The following DCAF12 variants were observed in gnomAD, a reference collection of about 807,000 sequenced individuals.
DCAF12 encodes DDB1 and CUL4 associated factor 12, also known as DDB1- and CUL4-associated factor 12.
Under a neutral mutation model 52.8 loss-of-function variants are expected in DCAF12, and 28 were observed. The observed-to-expected ratio is 0.53, with a 90% CI of 0.39 to 0.73. DCAF12 has a LOEUF of 0.73. DCAF12 is among the 30% of genes least tolerant of loss of function. DCAF12 has a pLI of 0.00. For synonymous variants in DCAF12, 196 were observed against 215.5 expected, an observed-to-expected ratio of 0.91 and a Z score of 0.79; for missense variants, 425 against 552.2, an observed-to-expected ratio of 0.77 and a Z score of 2.31.
intron 7 of DCAF12, among the ~76,000 whole-genome samples, chr9:34,091,814 G>A (rs1828649573): frequency 6.6e-6 from 1 of 152,040 alleles, no homozygotes; most frequent in Non-Finnish European, 1.5e-5. Flanking sequence ...GGGATAAAGC[G>A]AGAAATGGGA....
At chr9:34,099,673 A>AACC (rs1828796044) in intron 4 of DCAF12, among the ~76,000 whole-genome samples, 1 of 151,396 alleles carries the variant, frequency 6.6e-6, no homozygotes, top group South Asian at 2.1e-4. Context: ...GGCTCACTGC[A>AACC]ACCACCACCT....
intron 7 of DCAF12, among the ~76,000 whole-genome samples, chr9:34,090,276 C>G (rs1040550137): frequency 6.6e-6 from 1 of 152,050 alleles, no homozygotes; most frequent in Non-Finnish European, 1.5e-5. Flanking sequence ...GTTGGCCAGG[C>G]TGGTCTTGAA....
intron 6 of DCAF12, among the ~76,000 whole-genome samples, chr9:34,094,820 G>A (rs916845700): frequency 2.0e-4 from 30 of 152,138 alleles, no homozygotes; most frequent in Admixed American, 9.8e-4. Context: ...GTGAGCCACC[G>A]CACCCGGCCC....
Position 34,096,732 on chromosome 9 carries a change from T to C in DCAF12, c.845A>G (p.Glu282Gly), listed in dbSNP as rs1828741402. The C allele has an allele frequency of 1.9e-6, 3 of 1,614,092 alleles. No individual in the cohort carries two copies. The highest frequency in any genetic ancestry group is 2.5e-6 in the Non-Finnish European group (3 of 1,179,988). Residue 282 changes from glutamate (E) to glycine (G), a missense_variant, in exon 6 of 9, where the codon GAA becomes GGA. This residue lies in a region of DCAF12 where 328 missense variants were observed against 444.4 expected (regional missense o/e 0.74). Transcript: ENST00000361264. ...TCATCACACCTTAGATAGTGTATTT[T>C]CAGCCTTCCAGAGATGAAAGTAGCC... ...LDGYFHLWKAENTLSKLLSTK... is the reference protein window; with the variant it reads ...LDGYFHLWKAGNTLSKLLSTK...
intron 6 of DCAF12, chr9:34,095,752 ATTACC>A (rs1828725988): frequency 2.0e-5 from 3 of 152,186 alleles, no homozygotes; most frequent in Admixed American, 2.0e-4. Context: ...CTATTTTCTC[ATTACC>A]TTACATGATT....
chr9:34,115,309 C>T (rs1829066793), intron 2 of DCAF12, among the ~76,000 whole-genome samples: 1 of 151,788 alleles, frequency 6.6e-6, no homozygotes, highest in Non-Finnish European at 1.5e-5. Flanking sequence ...ATATGTATAG[C>T]GGCTAGGCGC....
At chr9:34,092,399 G>C (rs997803625) in intron 7 of DCAF12, among the ~76,000 whole-genome samples, 4 of 152,218 alleles carry the variant, frequency 2.6e-5, no homozygotes, top group Non-Finnish European at 4.4e-5. Context: ...TAGAAAGTAG[G>C]GCTCTCGGCC....
intron 4 of DCAF12, among the ~76,000 whole-genome samples, chr9:34,106,080 A>T (rs1426875374): frequency 1.3e-5 from 2 of 150,064 alleles, no homozygotes; most frequent in Non-Finnish European, 3.0e-5. Flanking sequence ...ATAAATGTGT[A>T]TCACTTTTAC....
intron 2 of DCAF12, among the ~76,000 whole-genome samples, chr9:34,122,098 T>A (rs1238494597): frequency 2.0e-5 from 3 of 152,206 alleles, no homozygotes; most frequent in Admixed American, 2.0e-4. Flanking sequence ...TTAGCTTATC[T>A]GTCAGTATCA....
chr9:34,093,180 G>T, intron 7 of DCAF12, 106 bp downstream of exon 7: 1 of 1,389,958 alleles, frequency 7.2e-7, no homozygotes. Context: ...ACTTCCAAAT[G>T]TTCCATACAG....
rs751775579 is a variant in DCAF12, at chr9:34,096,793, A to G, written c.796-12T>C. On this transcript the variant is annotated splice_polypyrimidine_tract_variant and intron_variant, in intron 5 of 8. Transcript: ENST00000361264. ...ACTGCTCCCAGTTCCTACAAGAGCA[A>G]TGAAAACCAGGTTATATTATCATCT... 6.2e-7 allele frequency: 1 copy of G among 1,612,958 alleles called. No homozygotes were observed. The highest frequency in any genetic ancestry group is 1.7e-5 in the Admixed American group (1 of 59,904).
intron 2 of DCAF12, among the ~76,000 whole-genome samples, chr9:34,114,896 G>T (rs1829060969): frequency 6.6e-6 from 1 of 152,090 alleles, no homozygotes; most frequent in Non-Finnish European, 1.5e-5. Flanking sequence ...GGGCCCAGGA[G>T]GTCAAGGCTT....
intron 4 of DCAF12, among the ~76,000 whole-genome samples, chr9:34,105,448 T>C (rs1427481302): frequency 6.6e-6 from 1 of 151,632 alleles, no homozygotes. Context: ...AAAAAGGTAC[T>C]AAAAAAAGAC....
chr9:34,125,706 G>T, intron 1 of DCAF12: 1 of 380,814 alleles, frequency 2.6e-6, no homozygotes. Flanking sequence ...TGGCTCCCAG[G>T]TCTTCCAGGG....
intron 2 of DCAF12, among the ~76,000 whole-genome samples, chr9:34,116,106 G>A (rs1379210337): frequency 1.3e-5 from 2 of 152,176 alleles, no homozygotes; most frequent in African/African-American, 2.4e-5. Context: ...GCTCACGCCT[G>A]TAATCCTAGC....
At position 34,125,253 on chromosome 9, in the gene DCAF12, T is replaced by C. The variant is rs751603543; in HGVS notation, c.103A>G (p.Lys35Glu). 9.3e-6 allele frequency: 15 copies of C among 1,614,078 alleles called. No homozygotes were observed. The highest frequency in any genetic ancestry group is 1.2e-5 in the Non-Finnish European group (14 of 1,180,044). Residue 35 changes from lysine to glutamate, a missense_variant, in exon 2 of 9, where the codon AAA becomes GAA. Transcript: ENST00000361264. ...TTCACAGGAGGAAGTCTTTTCCTTT[T>C]GTGAAGCGAGTGATCCCAGCCAAAC... ...PQFGWDHSLH[K>E]RKRLPPVKRS...
intron 6 of DCAF12, 64 bp downstream of exon 6, chr9:34,096,651 GA>G (rs1459650800): frequency 1.1e-4 from 156 of 1,386,828 alleles, no homozygotes; most frequent in Non-Finnish European, 1.4e-4. Context: ...AGCTCAGCTA[GA>G]ATTACAGTAT....
At chr9:34,094,604 C>T (rs1409641314) in intron 6 of DCAF12, among the ~76,000 whole-genome samples, 1 of 150,058 alleles carries the variant, frequency 6.7e-6, no homozygotes, top group Non-Finnish European at 1.5e-5. Context: ...GATCTCAGCT[C>T]ACTGCAAGCT....
chr9:34,107,149 A>G (rs543964409), intron 3 of DCAF12, among the ~76,000 whole-genome samples: 1 of 152,282 alleles, frequency 6.6e-6, no homozygotes, highest in South Asian at 2.1e-4. Context: ...GACTATGGGC[A>G]GTGGGAAGTA....
Sources: allele counts gnomAD v4.1 joint callset (sites outside exome capture counted in the v4.1 genomes callset), GRCh38; gene constraint gnomAD v4.1.1; regional missense constraint gnomAD v4.1.1; transcripts MANE v1.5; gene names NCBI Gene and HGNC (gene_info 2026-07-23, HGNC 2026-07-21).